Variants in UVRAG observed in about 807,000 individuals in gnomAD.
UVRAG encodes UV radiation resistance associated.
In UVRAG, 19 loss-of-function variants were observed where a neutral mutation model predicts 78.0. The observed-to-expected ratio is 0.24, with a 90% confidence interval of 0.17 to 0.36. The LOEUF is 0.36. UVRAG is among the 10% of genes least tolerant of loss of function. UVRAG has a pLI of 1.00. For missense variants in UVRAG, 740 were observed against 853.8 expected (o/e 0.87, Z 1.66); for synonymous variants, 323 against 324.6 (o/e 1.00, Z 0.05).
intron 7 of UVRAG, among the ~76,000 whole-genome samples, chr11:75,971,835 A>C (rs1031611866): frequency 1.3e-5 from 2 of 152,012 alleles, no homozygotes; most frequent in Non-Finnish European, 2.9e-5. Context: ...ACAGGTGTAC[A>C]CCACCATGCC....
chr11:75,837,674 T>G (rs1945815723), intron 1 of UVRAG: 1 of 152,160 alleles, frequency 6.6e-6, no homozygotes, highest in Non-Finnish European at 1.5e-5. Flanking sequence ...CTGAATATTT[T>G]CTATCTGTAA....
intron 12 of UVRAG, among the ~76,000 whole-genome samples, chr11:76,038,187 G>A (rs1950574049): frequency 6.6e-6 from 1 of 151,980 alleles, no homozygotes; most frequent in Admixed American, 6.6e-5. Flanking sequence ...AAGCTATGCT[G>A]GAGTACAAAA....
At position 76,060,760 on chromosome 11, in the gene UVRAG, C is replaced by T. The variant is rs1951071721; in HGVS notation, c.1227-4950C>T. 2.6e-5 allele frequency among the ~76,000 whole-genome samples: 4 copies of T among 152,334 alleles called. No individual in the cohort carries two copies. The East Asian group carries it at 5.8e-4, about 22-fold the overall frequency. On this transcript the variant is annotated intron_variant, in intron 12 of 14. Coordinates refer to ENST00000356136, the MANE Select transcript of UVRAG (RefSeq NM_003369.4). Reference sequence around the variant, plus strand: ...TCCCCCAGCAGTGCCAGCACACCGGCGCTGCACTCGATTTCTCGCCAGGCC... The same window carrying T: ...TCCCCCAGCAGTGCCAGCACACCGGTGCTGCACTCGATTTCTCGCCAGGCC...
intron 12 of UVRAG, among the ~76,000 whole-genome samples, chr11:76,059,541 T>G (rs1297207995): frequency 6.6e-6 from 1 of 152,228 alleles, no homozygotes; most frequent in Non-Finnish European, 1.5e-5. Context: ...CATTTTTGGT[T>G]ATCACAGCTG....
chr11:76,080,209 A>G (rs1052755598), intron 13 of UVRAG, among the ~76,000 whole-genome samples: 3 of 152,354 alleles, frequency 2.0e-5, no homozygotes, highest in East Asian at 1.9e-4. Context: ...TGGAGGGGAC[A>G]TTTAAAACAT....
chr11:75,829,844 CT>C (rs1204294053), intron 1 of UVRAG, among the ~76,000 whole-genome samples: 1 of 152,094 alleles, frequency 6.6e-6, no homozygotes, highest in Non-Finnish European at 1.5e-5. Flanking sequence ...TCTTCTTTTT[CT>C]TTTTACTTTT....
At chr11:75,919,654 G>A (rs564419773) in intron 6 of UVRAG, among the ~76,000 whole-genome samples, 15 of 152,284 alleles carry the variant, frequency 9.9e-5, no homozygotes, top group African/African-American at 3.6e-4. Flanking sequence ...AAAAAACATA[G>A]CTAGCCAACT....
chr11:76,090,659 CT>C (rs1382069829), intron 13 of UVRAG, among the ~76,000 whole-genome samples: 1 of 152,136 alleles, frequency 6.6e-6, no homozygotes, highest in Non-Finnish European at 1.5e-5. Flanking sequence ...ACTGTGATTA[CT>C]TTTTTTCCCC....
chr11:75,874,915 A>T (rs1022626153), intron 3 of UVRAG, among the ~76,000 whole-genome samples: 7 of 152,164 alleles, frequency 4.6e-5, no homozygotes, highest in Admixed American at 4.6e-4. Flanking sequence ...AAGCTACGTG[A>T]TTCTTTAAAG....
intron 6 of UVRAG, 53 bp downstream of exon 6, chr11:75,912,092 G>A (rs1947752642): frequency 1.5e-6 from 2 of 1,329,268 alleles, no homozygotes; most frequent in Admixed American, 1.8e-5. Flanking sequence ...CTCATTTTGA[G>A]TTTGTGACAT....
intron 1 of UVRAG, among the ~76,000 whole-genome samples, chr11:75,831,503 CAA>C (rs376448104): frequency 1.5e-5 from 2 of 130,534 alleles, no homozygotes; most frequent in Non-Finnish European, 1.7e-5. Flanking sequence ...AACAAACAAA[CAA>C]AAAAAAAAAA....
intron 7 of UVRAG, among the ~76,000 whole-genome samples, chr11:75,964,830 C>T (rs762111123): frequency 5.3e-5 from 8 of 152,198 alleles, no homozygotes; most frequent in East Asian, 1.9e-4. Flanking sequence ...CATGGATATC[C>T]GGTTGATTTA....
rs141340552 is a variant in UVRAG at position 75,987,841 on chromosome 11, G to A, written c.826+4328G>A. Among the ~76,000 whole-genome samples, 1,060 of 151,880 alleles carry A rather than the reference G, an allele frequency of 7.0e-3. 25 individuals are homozygous for A. The highest frequency in any genetic ancestry group is 3.3e-3 in the Non-Finnish European group (224 of 67,950). On this transcript the variant is annotated intron_variant, in intron 8 of 14. Transcript: ENST00000356136. ...ACCCCTCTGCCTGCTAGGTTCAAGC[G>A]ATTATCCTGCCTCAGCCTCCCAAGT...
chr11:75,913,599 A>G (rs530379565), intron 6 of UVRAG, among the ~76,000 whole-genome samples: 17 of 152,342 alleles, frequency 1.1e-4, no homozygotes, highest in Non-Finnish European at 2.2e-4. Context: ...TGCATCAGGG[A>G]TGATAGATAG....
chr11:75,912,479 A>G (rs1395388660), intron 6 of UVRAG, among the ~76,000 whole-genome samples: 1 of 152,256 alleles, frequency 6.6e-6, no homozygotes, highest in East Asian at 1.9e-4. Flanking sequence ...AAAGCTTTGC[A>G]TGTATCTAAT....
chr11:76,059,634 C>T (rs369021059), intron 12 of UVRAG, among the ~76,000 whole-genome samples: 2 of 152,068 alleles, frequency 1.3e-5, no homozygotes, highest in Non-Finnish European at 2.9e-5. Flanking sequence ...TAGGACAGCA[C>T]CCCACAACAA....
chr11:75,981,461 T>TG lies in UVRAG; in HGVS notation c.700-1926_700-1925insG, dbSNP rs148464201. Among the ~76,000 whole-genome samples, 1,031 of 151,978 alleles carry TG rather than the reference T, an allele frequency of 6.8e-3. 13 individuals are homozygous for TG. Among genetic ancestry groups the TG allele is most frequent in the African/African-American group, 0.024 (979 of 41,382 alleles). On this transcript the variant is annotated intron_variant, in intron 7 of 14. Transcript: ENST00000356136. ...TATTTCTTTTCTTTTCGTTTTTTTT[T>TG]TGTGTGTGTGACAGGGTCTTGCTCT...
At chr11:76,117,182 T>TTTGTG (rs1487762976) in intron 14 of UVRAG, among the ~76,000 whole-genome samples, 1 of 152,206 alleles carries the variant, frequency 6.6e-6, no homozygotes, top group Non-Finnish European at 1.5e-5. Flanking sequence ...CCCCAAGAGA[T>TTTGTG]TTGTGGTCCA....
chr11:76,043,119 A>G (rs1240618016), intron 12 of UVRAG, among the ~76,000 whole-genome samples: 3 of 152,234 alleles, frequency 2.0e-5, no homozygotes, highest in Non-Finnish European at 2.9e-5. Flanking sequence ...GTAATGTTTT[A>G]TTTATTTTAA....
Sources: allele counts gnomAD v4.1 joint callset (sites outside exome capture counted in the v4.1 genomes callset), GRCh38; gene constraint gnomAD v4.1.1; transcripts MANE v1.5; gene names NCBI Gene and HGNC (gene_info 2026-07-23, HGNC 2026-07-21).